Variants in CORO7 observed in about 807,000 individuals in gnomAD.
CORO7 encodes coronin-7.
Under a neutral mutation model 126.6 loss-of-function variants are expected in CORO7, and 107 were observed. That is an observed-to-expected ratio of 0.85 (90% confidence interval 0.72 to 0.99). The LOEUF is 0.99. Ranked by LOEUF, CORO7 falls within the 50% of genes least tolerant of loss-of-function variation. The probability of loss-of-function intolerance (pLI) is 0.00; values close to 1 mark genes in which losing one functional copy is unlikely to be tolerated. For missense variants in CORO7, 1,314 were observed against 1,255.8 expected (o/e 1.05, Z -0.70); for synonymous variants, 603 against 536.8 (o/e 1.12, Z -1.70).
chr16:4,380,368 C>G (rs560726415), intron 9 of CORO7, among the ~76,000 whole-genome samples: 1 of 152,220 alleles, frequency 6.6e-6, no homozygotes, highest in Admixed American at 6.5e-5. Flanking sequence ...GAAGTCTTCC[C>G]GCTGCATTCC....
intron 9 of CORO7, among the ~76,000 whole-genome samples, chr16:4,384,603 G>T (rs2055126389): frequency 1.3e-5 from 2 of 152,228 alleles, no homozygotes; most frequent in Non-Finnish European, 1.5e-5. Context: ...AGGCCCCGTG[G>T]CGCGGGTGTT....
In CORO7 at chr16:4,376,007, G is replaced by A. The variant is rs570300262; in HGVS notation, c.786-10462C>T. Among the ~76,000 whole-genome samples the A allele has an allele frequency of 5.3e-5, 8 of 152,324 alleles. No individual in the cohort carries two copies. The South Asian group carries it at 1.0e-3, about 20-fold the overall frequency. On this transcript the variant is annotated intron_variant, in intron 9 of 27. Transcript: ENST00000251166. The stretch of plus-strand genomic sequence containing the variant: ...TGGCATTATCTGTGGAATGAAGAGC[G>A]CCAGCTTGGGGTGGTGGATGGAGTA...
At chr16:4,408,383 G>A (rs1450448900) in intron 3 of CORO7, 132 bp from the exon 4 acceptor site, 2 of 1,276,354 alleles carry the variant, frequency 1.6e-6, no homozygotes, top group Non-Finnish European at 2.2e-6. Context: ...AGGGCCCTCT[G>A]GACACCATGG....
Position 4,361,163 on chromosome 16 carries a change from T to C in CORO7, c.1773A>G (p.Thr591=). ...EVLTTPETVL[T]GHTEKICSLR... Reference sequence around the variant, plus strand: ...GCCCCATTCCTGAGCCTGCCTGACCTGTGAGCACAGTCTCTGGCGTGGTGA... The same window carrying C: ...GCCCCATTCCTGAGCCTGCCTGACCCGTGAGCACAGTCTCTGGCGTGGTGA... Residue 591 remains threonine (T), a splice_region_variant and synonymous_variant, in exon 18 of 28, where the codon ACA becomes ACG. Coordinates refer to ENST00000251166, the MANE Select transcript of CORO7 (RefSeq NM_024535.5). 1 of 1,613,140 alleles carries C rather than the reference T, an allele frequency of 6.2e-7. No individual in the cohort carries two copies. The highest frequency in any genetic ancestry group is 8.5e-7 in the Non-Finnish European group (1 of 1,179,992).
chr16:4,355,404 G>A (rs2053944165), intron 26 of CORO7, 32 bp from the exon 27 acceptor site: 2 of 1,594,738 alleles, frequency 1.3e-6, no homozygotes, highest in Non-Finnish European at 1.7e-6. Context: ...GGGTAGGTAA[G>A]GGAATAGGAC....
chr16:4,362,857 T>C lies in CORO7; in HGVS notation c.1276-119A>G, dbSNP rs1367416713. On this transcript the variant is annotated intron_variant, in intron 14 of 27. Coordinates refer to ENST00000251166, the MANE Select transcript of CORO7 (RefSeq NM_024535.5). This position sits in a 1 kb window ranked among gnomAD's most constrained non-coding sequence, Gnocchi z 5.3. ...CCCTGCGGACTGGAGGAGCCCCCAC[T>C]GTGGGCATGCGACAGGAGCGGCGGG... 3 of 1,206,964 alleles carry C rather than the reference T, an allele frequency of 2.5e-6. No homozygotes were observed. The highest frequency in any genetic ancestry group is 3.1e-6 in the Non-Finnish European group (3 of 955,622). The allele number at this position is 1,206,964 out of a possible 1,614,324, so 74.8% of individuals were successfully genotyped here.
intron 23 of CORO7, 114 bp downstream of exon 23, chr16:4,359,182 C>T (rs1265502179): frequency 8.2e-7 from 1 of 1,213,008 alleles, no homozygotes; most frequent in Non-Finnish European, 1.1e-6. Context: ...AGGCCCAGCC[C>T]CAGCCCAGGA....
intron 6 of CORO7, among the ~76,000 whole-genome samples, chr16:4,397,679 T>C (rs1181794691): frequency 6.6e-6 from 1 of 152,072 alleles, no homozygotes; most frequent in Non-Finnish European, 1.5e-5. Flanking sequence ...AGTGGCGCGA[T>C]CTCGGCTCAC....
intron 5 of CORO7, among the ~76,000 whole-genome samples, chr16:4,406,690 G>C (rs1263871530): frequency 1.3e-5 from 2 of 151,782 alleles, no homozygotes; most frequent in Admixed American, 6.6e-5. Context: ...GCAATGGCAC[G>C]ATCTCTCTTC....
At chr16:4,397,015 C>CA (rs1236918347) in intron 6 of CORO7, among the ~76,000 whole-genome samples, 3,950 of 119,780 alleles carry the variant, frequency 0.033, 200 homozygotes, top group African/African-American at 0.089. Flanking sequence ...GACTCAATCT[C>CA]AAAAAAAAAA....
At chr16:4,406,983 T>A (rs1223387432) in intron 5 of CORO7, among the ~76,000 whole-genome samples, 1 of 147,930 alleles carries the variant, frequency 6.8e-6, no homozygotes, top group African/African-American at 2.5e-5. Flanking sequence ...CATCTCACTC[T>A]GTCACCCAGG....
At chr16:4,415,695 A>C in intron 1 of CORO7, 5 of 985,208 alleles carry the variant, frequency 5.1e-6, no homozygotes, top group Non-Finnish European at 6.0e-6. Flanking sequence ...CAGTTATCGG[A>C]GGACACTCCC....
At chr16:4,410,572 T>A (rs2056167080) in intron 3 of CORO7, among the ~76,000 whole-genome samples, 1 of 152,186 alleles carries the variant, frequency 6.6e-6, no homozygotes, top group Non-Finnish European at 1.5e-5. Flanking sequence ...TTCAAAGAGA[T>A]CTGAGATTAG....
At chr16:4,401,074 T>C (rs2055784768) in intron 6 of CORO7, among the ~76,000 whole-genome samples, 2 of 152,130 alleles carry the variant, frequency 1.3e-5, no homozygotes, top group South Asian at 2.1e-4. Context: ...ATGAGTAGCC[T>C]CCCTGCTACT....
At chr16:4,385,769 C>T (rs1258842794) in intron 9 of CORO7, among the ~76,000 whole-genome samples, 1 of 152,236 alleles carries the variant, frequency 6.6e-6, no homozygotes, top group Non-Finnish European at 1.5e-5. Context: ...TAGGTGGGAC[C>T]ACAGCGGAGG....
chr16:4,403,601 C>A (rs1000478988), intron 6 of CORO7, among the ~76,000 whole-genome samples: 1 of 152,156 alleles, frequency 6.6e-6, no homozygotes, highest in African/African-American at 2.4e-5. Flanking sequence ...GCAGGAGCTC[C>A]TCCGTCTGTG....
chr16:4,371,886 T>C (rs991828729), intron 9 of CORO7: 2 of 152,010 alleles, frequency 1.3e-5, no homozygotes, highest in African/African-American at 4.8e-5. Flanking sequence ...GGACGCGGAC[T>C]CGAACGCAGT....
chr16:4,392,793 T>A (rs1368876864), intron 7 of CORO7, among the ~76,000 whole-genome samples: 1 of 151,954 alleles, frequency 6.6e-6, no homozygotes, highest in Non-Finnish European at 1.5e-5. Context: ...TGGGCGGAAG[T>A]GGGGGGCAGG....
intron 9 of CORO7, among the ~76,000 whole-genome samples, chr16:4,370,290 C>T (rs1247305101): frequency 1.3e-5 from 2 of 152,146 alleles, no homozygotes; most frequent in Admixed American, 6.5e-5. Context: ...GTTCTGGGGC[C>T]GGGCAGGAAA....
Sources: allele counts gnomAD v4.1 joint callset (sites outside exome capture counted in the v4.1 genomes callset), GRCh38; gene constraint gnomAD v4.1.1; non-coding constraint Gnocchi (gnomAD v3.1); transcripts MANE v1.5; gene names NCBI Gene and HGNC (gene_info 2026-07-23, HGNC 2026-07-21).